The following PLCE1 variants were observed in gnomAD, a reference collection of about 807,000 sequenced individuals.
PLCE1 encodes the protein 1-phosphatidylinositol 4,5-bisphosphate phosphodiesterase epsilon-1.
PLCE1 carries 119 observed loss-of-function variants against 242.8 expected under a neutral mutation model. The ratio of observed to expected loss-of-function variants is 0.49; its 90% CI spans 0.42 to 0.57. The LOEUF (loss-of-function observed/expected upper bound fraction) is 0.57, where lower values mean the gene tolerates loss of function less well. Among genes scored for constraint, PLCE1 ranks in the 20% least tolerant of loss-of-function variants. The pLI, the probability that PLCE1 is intolerant of heterozygous loss-of-function variation, is 0.00. For synonymous variants in PLCE1, 945 were observed against 1,017.4 expected, an observed-to-expected ratio of 0.93 and a Z score of 1.35; for missense variants, 2,441 against 2,788.8, an observed-to-expected ratio of 0.88 and a Z score of 2.81.
chr10:94,076,226 T>C (rs1282167743), intron 2 of PLCE1, among the ~76,000 whole-genome samples: 1 of 151,972 alleles, frequency 6.6e-6, no homozygotes. Context: ...ATAAAAGGGG[T>C]ACGGGATATC....
intron 2 of PLCE1, among the ~76,000 whole-genome samples, chr10:94,033,670 C>G (rs1395494865): frequency 1.3e-5 from 2 of 152,076 alleles, no homozygotes; most frequent in Non-Finnish European, 2.9e-5. Context: ...TACACATGAT[C>G]AGGCTGCCTG....
chr10:94,137,691 T>C (rs1469150207), intron 3 of PLCE1: 1 of 165,160 alleles, frequency 6.1e-6, no homozygotes, highest in African/African-American at 2.4e-5. Context: ...GGAGGGAAGA[T>C]GGACCTGCTG....
chr10:94,322,004 C>T lies in PLCE1; in HGVS notation c.6446C>T (p.Pro2149Leu), dbSNP rs192586920. The change falls in exon 30 of 33, where the codon CCT becomes CTT. Residue 2149 changes from proline (P) to leucine (L), a missense_variant. By Grantham distance (98) the Pro-to-Leu change is moderately conservative. Coordinates refer to ENST00000371380, the MANE Select transcript of PLCE1 (RefSeq NM_016341.4). ...GTGCATGATGTTTCTCCAGAGCAACCTCGAACAGTCATCAAAGCACCCCGC... is the reference window on the plus strand; with the variant it reads ...GTGCATGATGTTTCTCCAGAGCAACTTCGAACAGTCATCAAAGCACCCCGC... The part of the protein sequence containing the change: ...VQVHDVSPEQ[P>L]RTVIKAPRVS... The T allele has an allele frequency of 3.8e-5, 61 of 1,614,018 alleles. No individual in the cohort carries two copies. In the East Asian group the frequency reaches 1.3e-3, roughly 35 times the overall value.
At chr10:94,090,430 C>A (rs1287949354) in intron 2 of PLCE1, among the ~76,000 whole-genome samples, 1 of 152,148 alleles carries the variant, frequency 6.6e-6, no homozygotes, top group Non-Finnish European at 1.5e-5. Flanking sequence ...TGGATAACAA[C>A]CCTCAGAAAA....
At chr10:94,212,852 CA>C (rs1190334964) in intron 4 of PLCE1, among the ~76,000 whole-genome samples, 9 of 152,308 alleles carry the variant, frequency 5.9e-5, no homozygotes, top group Admixed American at 4.6e-4. Context: ...ATTTATTGAG[CA>C]TCTACTTTGT....
intron 3 of PLCE1, chr10:94,137,959 C>A: frequency 2.5e-6 from 1 of 394,184 alleles, no homozygotes; most frequent in Non-Finnish European, 5.0e-6. Flanking sequence ...ACATTAAATC[C>A]TTGCACTCCA....
At chr10:94,069,598 G>C (rs2044295207) in intron 2 of PLCE1, among the ~76,000 whole-genome samples, 1 of 152,124 alleles carries the variant, frequency 6.6e-6, no homozygotes, top group Non-Finnish European at 1.5e-5. Context: ...GGGCAACAGA[G>C]TGAGACTCTG....
At chr10:94,217,779 G>A (rs2049581300) in intron 4 of PLCE1, among the ~76,000 whole-genome samples, 1 of 152,122 alleles carries the variant, frequency 6.6e-6, no homozygotes, top group South Asian at 2.1e-4. Context: ...TGAAGAATTT[G>A]AGAATAATCA....
chr10:94,184,216 G>T (rs917966793), intron 4 of PLCE1, among the ~76,000 whole-genome samples: 1 of 152,136 alleles, frequency 6.6e-6, no homozygotes, highest in Non-Finnish European at 1.5e-5. Context: ...AAGCATAAAG[G>T]TAACTCCCCT....
In PLCE1 at chr10:94,306,649, A is replaced by C; in HGVS notation, c.5845A>C (p.Thr1949Pro). ...TGTGGAAAACAATAGTTCAGCGGTA[A>C]CTGCTCAGAGAATCATTCCACTGAA... is the stretch of plus-strand genomic sequence containing the variant. ...AVVENNSSAVTAQRIIPLKAL... is the reference protein window; with the variant it reads ...AVVENNSSAVPAQRIIPLKAL... The change falls in exon 26 of 33, where the codon ACT becomes CCT. Residue 1949 changes from threonine (T) to proline (P), a missense_variant. Thr to Pro is a conservative substitution (Grantham distance 38). Transcript: ENST00000371380. The surrounding 1 kb of genome is among the most constrained non-coding windows in gnomAD (Gnocchi z 5.7). The C allele has an allele frequency of 6.2e-7, 1 of 1,614,148 alleles. No homozygotes were observed.
chr10:94,292,012 A>G (rs1003152278), intron 22 of PLCE1, among the ~76,000 whole-genome samples: 1 of 152,180 alleles, frequency 6.6e-6, no homozygotes. Flanking sequence ...GATACAGGCA[A>G]AAGTCCAGAA....
At chr10:94,055,099 T>C (rs915698071) in intron 2 of PLCE1, among the ~76,000 whole-genome samples, 13 of 150,734 alleles carry the variant, frequency 8.6e-5, no homozygotes, top group African/African-American at 2.9e-4. Flanking sequence ...TTTTAAGGAG[T>C]TGAAATTTCA....
At position 94,031,939 on chromosome 10, in the gene PLCE1, G is replaced by A. The variant is rs1397712129; in HGVS notation, c.893G>A (p.Ser298Asn). 2 of 1,613,878 alleles carry A rather than the reference G, an allele frequency of 1.2e-6. No homozygotes were observed. The highest frequency in any genetic ancestry group is 1.7e-6 in the Non-Finnish European group (2 of 1,179,850). Residue 298 changes from serine to asparagine, a missense_variant, in exon 2 of 33, where the codon AGC (serine) becomes AAC (asparagine). Ser to Asn is a conservative substitution (Grantham distance 46). This residue lies in a region of PLCE1 where 393 missense variants were observed against 378.5 expected (regional missense o/e 1.04). Transcript: ENST00000371380. ...AGTCAAGCTGCCAAGACCTTTTTGA[G>A]CCATTTTGAGGACTTCCCTGATAAT... Reference protein sequence around the residue: ...TDSQAAKTFLSHFEDFPDNCD... With the variant: ...TDSQAAKTFLNHFEDFPDNCD...
At chr10:94,191,772 G>A (rs1174291700) in intron 4 of PLCE1, among the ~76,000 whole-genome samples, 2 of 152,184 alleles carry the variant, frequency 1.3e-5, no homozygotes, top group Non-Finnish European at 2.9e-5. Context: ...GTTATTTGTT[G>A]TGTCTTTAGT....
In PLCE1 at chr10:94,006,081, A is replaced by G. The variant is rs115057363; in HGVS notation, c.-365+11823A>G. ...TTTGATCCAGCTTTGCTGTTTTCTA[A>G]CTGGGTGGGCCTTGATGAAGCTATT... On this transcript the variant is annotated intron_variant, in intron 1 of 32. Transcript: ENST00000371380. Among the ~76,000 whole-genome samples the G allele has an allele frequency of 6.9e-3, 1,044 of 152,296 alleles. 6 individuals carry two copies. The highest frequency in any genetic ancestry group is 0.024 in the African/African-American group (993 of 41,552).
At chr10:94,077,164 C>T (rs950817340) in intron 2 of PLCE1, among the ~76,000 whole-genome samples, 14 of 152,190 alleles carry the variant, frequency 9.2e-5, no homozygotes, top group African/African-American at 3.1e-4. Flanking sequence ...GAATGTGATT[C>T]GCTCTGGTGT....
At chr10:94,229,380 G>A (rs930690900) in intron 5 of PLCE1, among the ~76,000 whole-genome samples, 2 of 152,166 alleles carry the variant, frequency 1.3e-5, no homozygotes. Context: ...ATCACAGCAC[G>A]GTGACTGGCT....
chr10:94,031,778 T>A lies in PLCE1; in HGVS notation c.732T>A (p.Cys244Ter). 3.7e-6 allele frequency: 6 copies of A among 1,613,722 alleles called. No individual in the cohort carries two copies. Among genetic ancestry groups the A allele is most frequent in the Non-Finnish European group, 5.1e-6 (6 of 1,179,846 alleles). The change falls in exon 2 of 33, where the codon TGT becomes TGA. Residue 244 changes from cysteine to a stop codon, truncating the protein, a stop_gained. Coordinates refer to ENST00000371380, the MANE Select transcript of PLCE1 (RefSeq NM_016341.4). LOFTEE classifies it high-confidence loss of function. ...AACTGATGGAATTGGCCAAAAATTG[T>A]GATAATAAGAATGAGCAGCTGCAGT... ...TCKLMELAKN[C>*]DNKNEQLQCD...
intron 5 of PLCE1, among the ~76,000 whole-genome samples, chr10:94,229,065 C>T (rs1230278429): frequency 6.6e-6 from 1 of 151,806 alleles, no homozygotes; most frequent in African/African-American, 2.4e-5. Context: ...GCCTGTAATC[C>T]CAGCTACTCA....
Sources: gnomAD v4.1 joint callset for allele counts (sites outside exome capture counted in the v4.1 genomes callset) on GRCh38, gnomAD v4.1.1 for gene constraint, gnomAD v4.1.1 regional missense constraint, Gnocchi (gnomAD v3.1) non-coding constraint, MANE v1.5 for transcripts, NCBI Gene and HGNC (gene_info 2026-07-23, HGNC 2026-07-21) for gene names.